NDUFA8: variants seen among roughly 807,000 people sequenced by gnomAD.
NDUFA8 encodes NADH dehydrogenase [ubiquinone] 1 alpha subcomplex subunit 8.
Under a neutral mutation model 20.9 loss-of-function variants are expected in NDUFA8, and 16 were observed. The observed-to-expected ratio is 0.77, with a 90% CI of 0.52 to 1.16. The LOEUF (loss-of-function observed/expected upper bound fraction) is 1.16, where lower values mean the gene tolerates loss of function less well. Ranked by LOEUF, NDUFA8 falls within the 50% of genes most tolerant of loss-of-function variation. The pLI is 0.00. For synonymous variants in NDUFA8, 70 were observed against 76.1 expected, an observed-to-expected ratio of 0.92 and a Z score of 0.41; for missense variants, 202 against 216.4, an observed-to-expected ratio of 0.93 and a Z score of 0.42.
At chr9:122,138,928 C>T in the NDUFA8 span, among the ~76,000 whole-genome samples, 1 of 148,892 alleles carries the variant, frequency 6.7e-6, no homozygotes. Context: ...GGGCTCAACA[C>T]GGATGGAGTG....
chr9:122,140,864 C>G (rs1487224978), downstream of NDUFA8, among the ~76,000 whole-genome samples: 4 of 152,168 alleles, frequency 2.6e-5, no homozygotes, highest in Non-Finnish European at 4.4e-5. Context: ...TAAGTATCTT[C>G]TCTAGGGTCA....
the NDUFA8 span, chr9:122,133,024 A>C: frequency 2.2e-6 from 1 of 455,934 alleles, no homozygotes. Flanking sequence ...GGCCCCTTTC[A>C]TGCCCATGGT....
intron 2 of NDUFA8, among the ~76,000 whole-genome samples, chr9:122,148,879 T>G (rs181271938): frequency 6.6e-6 from 1 of 152,318 alleles, no homozygotes; most frequent in African/African-American, 2.4e-5. Flanking sequence ...TATTTGGTAT[T>G]CTCTGCTAAG....
chr9:122,159,506 C>T (rs1396681073), intron 1 of NDUFA8, 121 bp downstream of exon 1: 38 of 1,205,886 alleles, frequency 3.2e-5, no homozygotes, highest in Non-Finnish European at 4.1e-5. Context: ...CCTGTATATG[C>T]GTTGGAGGAC....
In NDUFA8 at chr9:122,144,518, TC is replaced by T. The variant is rs150954455; in HGVS notation, c.382-141del. The T allele has an allele frequency of 4.1e-4, 338 of 823,404 alleles. No homozygotes were observed. In the African/African-American group the frequency reaches 5.1e-3, roughly 13 times the overall value. The allele number at this position is 823,404 out of a possible 1,614,324, so 51.0% of individuals were successfully genotyped here. A position where few individuals can be genotyped will look rare whatever the true frequency, so the allele number is the denominator to read the frequency against. Reference sequence around the variant, plus strand: ...GACTTAAATTCCCAGCAAATCACATTCAGACGTATTTAATCATTGAACAAAC... The same window carrying T: ...GACTTAAATTCCCAGCAAATCACATTAGACGTATTTAATCATTGAACAAAC... On this transcript the variant is annotated intron_variant, in intron 3 of 3. Coordinates refer to ENST00000373768, the MANE Select transcript of NDUFA8 (RefSeq NM_014222.3).
At chr9:122,138,211 T>C in the NDUFA8 span, among the ~76,000 whole-genome samples, 1 of 152,312 alleles carries the variant, frequency 6.6e-6, no homozygotes, top group East Asian at 1.9e-4. Flanking sequence ...AAACAAGGCT[T>C]CCAGAAAGGG....
Position 122,159,648 on chromosome 9 carries a change from T to G in NDUFA8, c.30A>C (p.Leu10=). The stretch of plus-strand genomic sequence containing the variant: ...TCACCTCATCTACTTTCAGCTCCTC[T>G]AGAGTGGGCAGCTCCACTATCCCCG... The part of the protein sequence containing the change: MPGIVELPT[L]EELKVDEVKI... Residue 10 remains leucine (L), a synonymous_variant, in exon 1 of 4, where the codon CTA becomes CTC. Transcript: ENST00000373768. 6.2e-7 allele frequency: 1 copy of G among 1,614,124 alleles called. No homozygotes were observed. The highest frequency in any genetic ancestry group is 8.5e-7 in the Non-Finnish European group (1 of 1,180,004).
At position 122,159,758 on chromosome 9, in the gene NDUFA8, G is replaced by C; in HGVS notation, c.-81C>G. On this transcript the variant is annotated 5_prime_UTR_variant, in exon 1 of 4. Coordinates refer to ENST00000373768, the MANE Select transcript of NDUFA8 (RefSeq NM_014222.3). The stretch of plus-strand genomic sequence containing the variant: ...CTTGAACTCCCCTTTCGACCGCCGA[G>C]TGCCACACGGCGCCTGCGCATGCGC... 1.9e-6 allele frequency: 3 copies of C among 1,599,532 alleles called. No homozygotes were observed. Among genetic ancestry groups the C allele is most frequent in the Non-Finnish European group, 2.6e-6 (3 of 1,168,026 alleles).
At chr9:122,156,032 T>C (rs998864051) in intron 1 of NDUFA8, among the ~76,000 whole-genome samples, 2 of 152,234 alleles carry the variant, frequency 1.3e-5, no homozygotes, top group African/African-American at 2.4e-5. Context: ...AACACAGAGA[T>C]TGTGACCTCC....
At chr9:122,146,290 A>G (rs1450485921) in intron 3 of NDUFA8, among the ~76,000 whole-genome samples, 6 of 152,108 alleles carry the variant, frequency 3.9e-5, no homozygotes, top group Non-Finnish European at 8.8e-5. Flanking sequence ...GAAAAGAGTT[A>G]AGAGAATTTT....
the NDUFA8 span, chr9:122,132,982 G>A: frequency 4.4e-6 from 2 of 455,956 alleles, no homozygotes; most frequent in South Asian, 1.5e-5. Context: ...CCCCTAGCGA[G>A]GGAAAAGGCA....
At chr9:122,133,559 A>ACAGGGGAAT in the NDUFA8 span, among the ~76,000 whole-genome samples, 1 of 152,216 alleles carries the variant, frequency 6.6e-6, no homozygotes, top group Non-Finnish European at 1.5e-5. Context: ...CCTCTCAGAA[A>ACAGGGGAAT]CAGGGGAATC....
In NDUFA8 at chr9:122,144,079, G is replaced by T; in HGVS notation, c.*162C>A. 1.4e-6 allele frequency: 2 copies of T among 1,480,296 alleles called. No homozygotes were observed. The highest frequency in any genetic ancestry group is 1.8e-6 in the Non-Finnish European group (2 of 1,118,672). 91.7% of individuals were successfully genotyped at this position (1,480,296 alleles called of 1,614,324 possible). A position where few individuals can be genotyped will look rare whatever the true frequency, so the allele number is the denominator to read the frequency against. On this transcript the variant is annotated 3_prime_UTR_variant, in exon 4 of 4. Transcript: ENST00000373768. ...ACCGTTTCCTTTAAAAATTTTAATG[G>T]ACAGGAAATGGTATAGAATAACTGC...
At chr9:122,146,336 C>A (rs1828904543) in intron 3 of NDUFA8, among the ~76,000 whole-genome samples, 1 of 151,928 alleles carries the variant, frequency 6.6e-6, no homozygotes, top group South Asian at 2.1e-4. Flanking sequence ...AATGTTAATA[C>A]AAAGATTCAA....
chr9:122,134,288 T>TA, the NDUFA8 span, among the ~76,000 whole-genome samples: 5 of 152,250 alleles, frequency 3.3e-5, no homozygotes, highest in Admixed American at 6.5e-5. Context: ...GGTTAAGACT[T>TA]ACGGTTTTGG....
intron 1 of NDUFA8, among the ~76,000 whole-genome samples, chr9:122,158,598 C>A (rs761706106): frequency 4.1e-4 from 63 of 151,968 alleles, no homozygotes; most frequent in Middle Eastern, 6.8e-3. Flanking sequence ...TGACCTTGGG[C>A]AAATCATTTC....
At chr9:122,139,024 T>C in the NDUFA8 span, among the ~76,000 whole-genome samples, 8 of 152,054 alleles carry the variant, frequency 5.3e-5, no homozygotes, top group African/African-American at 1.9e-4. Context: ...AGGCTGGACT[T>C]TACCCAGCAG....
At chr9:122,153,935 C>A (rs958814917) in intron 1 of NDUFA8, among the ~76,000 whole-genome samples, 2 of 152,210 alleles carry the variant, frequency 1.3e-5, no homozygotes, top group African/African-American at 4.8e-5. Flanking sequence ...AGTGGTCACT[C>A]ATGTGGTCTG....
intron 1 of NDUFA8, among the ~76,000 whole-genome samples, chr9:122,157,257 A>T (rs935312830): frequency 6.6e-6 from 1 of 152,212 alleles, no homozygotes; most frequent in African/African-American, 2.4e-5. Flanking sequence ...CATTCTTCAT[A>T]TGCCATTTAG....
Sources: gnomAD v4.1 joint callset for allele counts (sites outside exome capture counted in the v4.1 genomes callset) on GRCh38, gnomAD v4.1.1 for gene constraint, MANE v1.5 for transcripts, NCBI Gene and HGNC (gene_info 2026-07-23, HGNC 2026-07-21) for gene names.